Variants in IGF2BP2 observed in about 807,000 individuals in gnomAD.
The protein encoded by IGF2BP2 is insulin like growth factor 2 mRNA binding protein 2.
Under a neutral mutation model 75.8 loss-of-function variants are expected in IGF2BP2, and 17 were observed. The observed-to-expected ratio is 0.22, with a 90% CI of 0.15 to 0.34. IGF2BP2 has a LOEUF of 0.34. Among genes scored for constraint, IGF2BP2 ranks in the 10% least tolerant of loss-of-function variants. IGF2BP2 has a pLI of 1.00. For synonymous variants in IGF2BP2, 288 were observed against 295.6 expected, an observed-to-expected ratio of 0.97 and a Z score of 0.26; for missense variants, 516 against 772.4, an observed-to-expected ratio of 0.67 and a Z score of 3.93.
In IGF2BP2 at chr3:185,668,850, T is replaced by A. The variant is rs114107364; in HGVS notation, c.1200+3691A>T. On this transcript the variant is annotated intron_variant, in intron 10 of 15. Coordinates refer to ENST00000382199, the MANE Select transcript of IGF2BP2 (RefSeq NM_006548.6). ...GTAGGTTTTAACTTAATTACCGTTA[T>A]AACAATCCCCTAATGTAGGTACTAT... Among the ~76,000 whole-genome samples the A allele has an allele frequency of 2.9e-3, 444 of 152,236 alleles. 3 individuals carry two copies. The highest frequency in any genetic ancestry group is 0.01 in the African/African-American group (421 of 41,540).
At chr3:185,726,547 A>G (rs1356550507) in intron 2 of IGF2BP2, among the ~76,000 whole-genome samples, 1 of 152,194 alleles carries the variant, frequency 6.6e-6, no homozygotes, top group Non-Finnish European at 1.5e-5. Flanking sequence ...AGATTCCTAT[A>G]AAGTGCTTTG....
intron 10 of IGF2BP2, among the ~76,000 whole-genome samples, chr3:185,661,472 A>G (rs1167519103): frequency 2.0e-5 from 3 of 151,936 alleles, no homozygotes; most frequent in Non-Finnish European, 2.9e-5. Context: ...CCCCATCGCT[A>G]GCAAAAATAC....
intron 2 of IGF2BP2, among the ~76,000 whole-genome samples, chr3:185,777,100 A>G (rs1734619971): frequency 2.0e-5 from 3 of 152,178 alleles, no homozygotes; most frequent in South Asian, 2.1e-4. Flanking sequence ...GAAAAGAGAG[A>G]TAGTTGCCTC....
At chr3:185,748,646 T>C (rs927347347) in intron 2 of IGF2BP2, among the ~76,000 whole-genome samples, 2 of 152,202 alleles carry the variant, frequency 1.3e-5, no homozygotes, top group Non-Finnish European at 2.9e-5. Flanking sequence ...CATCTCACCC[T>C]ACCCAAACAG....
intron 5 of IGF2BP2, among the ~76,000 whole-genome samples, chr3:185,691,575 A>G (rs1450502057): frequency 2.0e-5 from 3 of 152,176 alleles, no homozygotes; most frequent in Non-Finnish European, 4.4e-5. Flanking sequence ...TAATGACCTG[A>G]CAGGCACTTT....
At chr3:185,759,397 G>C (rs1196835053) in intron 2 of IGF2BP2, among the ~76,000 whole-genome samples, 1 of 152,194 alleles carries the variant, frequency 6.6e-6, no homozygotes. Context: ...AGGAAGTCAA[G>C]GAAAAATGCC....
rs117081993 is a variant in IGF2BP2, at chr3:185,674,567, C to T, written c.1071+729G>A. On this transcript the variant is annotated intron_variant, in intron 9 of 15. Transcript: ENST00000382199. The stretch of plus-strand genomic sequence containing the variant: ...GTCTGCTACAAATATACAGTAAAGG[C>T]TCAACTGGTTGACAACATTTATCAG... Among the ~76,000 whole-genome samples the T allele has an allele frequency of 1.3e-3, 194 of 152,230 alleles. 4 individuals are homozygous for T. The East Asian group carries it at 0.035, about 28-fold the overall frequency.
At chr3:185,703,289 C>T (rs1286943026) in intron 2 of IGF2BP2, among the ~76,000 whole-genome samples, 1 of 152,156 alleles carries the variant, frequency 6.6e-6, no homozygotes, top group Non-Finnish European at 1.5e-5. Flanking sequence ...ATTTATAATA[C>T]GTTATCTTTG....
intron 2 of IGF2BP2, among the ~76,000 whole-genome samples, chr3:185,789,883 G>A (rs1736413503): frequency 2.0e-5 from 3 of 151,944 alleles, no homozygotes; most frequent in Admixed American, 2.0e-4. Flanking sequence ...ACAGGCGTCC[G>A]CCACCACATC....
chr3:185,735,197 G>A (rs1029820877), intron 2 of IGF2BP2, among the ~76,000 whole-genome samples: 1 of 149,604 alleles, frequency 6.7e-6, no homozygotes, highest in African/African-American at 2.5e-5. Context: ...CCAGGCTGGA[G>A]TGCAGCGGCA....
chr3:185,729,590 A>G (rs1226959634), intron 2 of IGF2BP2: 1 of 152,236 alleles, frequency 6.6e-6, no homozygotes, highest in East Asian at 1.9e-4. Flanking sequence ...ATATTTTCCA[A>G]ATGACTAATG....
chr3:185,812,876 T>A (rs1338529180), intron 2 of IGF2BP2, among the ~76,000 whole-genome samples: 1 of 152,174 alleles, frequency 6.6e-6, no homozygotes, highest in Non-Finnish European at 1.5e-5. Flanking sequence ...AAAGATACAA[T>A]GTTGGCCTAG....
chr3:185,683,411 AT>A (rs879749471), intron 7 of IGF2BP2, among the ~76,000 whole-genome samples: 5,311 of 146,756 alleles, frequency 0.036, 215 homozygotes, highest in African/African-American at 0.1. Flanking sequence ...ATGATCAATA[AT>A]TTTTTTTTTT....
chr3:185,791,600 G>A (rs2149864701), intron 2 of IGF2BP2, among the ~76,000 whole-genome samples: 1 of 152,300 alleles, frequency 6.6e-6, no homozygotes, highest in South Asian at 2.1e-4. Flanking sequence ...CTTCCTCCAG[G>A]TGTGCATCAC....
chr3:185,814,529 A>AT (rs1416801808), intron 2 of IGF2BP2, among the ~76,000 whole-genome samples: 1 of 152,142 alleles, frequency 6.6e-6, no homozygotes, highest in Non-Finnish European at 1.5e-5. Context: ...TCACCACTCG[A>AT]TTTTTTGTTT....
intron 2 of IGF2BP2, among the ~76,000 whole-genome samples, chr3:185,723,163 T>C (rs142328492): frequency 6.6e-5 from 10 of 152,352 alleles, no homozygotes; most frequent in Non-Finnish European, 7.4e-5. Context: ...AACATGTTTA[T>C]GATTCCATCA....
Position 185,794,207 on chromosome 3 carries a change from C to T in IGF2BP2, c.239+28946G>A, listed in dbSNP as rs188727732. ...TCTCAAACTCCTGAGCTCAAGCAATCCTCCCAGCTTGGCCTCCCAAAGTGC... is the reference window on the plus strand; with the variant it reads ...TCTCAAACTCCTGAGCTCAAGCAATTCTCCCAGCTTGGCCTCCCAAAGTGC... On this transcript the variant is annotated intron_variant, in intron 2 of 15. Coordinates refer to ENST00000382199, the MANE Select transcript of IGF2BP2 (RefSeq NM_006548.6). Among the ~76,000 whole-genome samples, 194 of 152,114 alleles carry T rather than the reference C, an allele frequency of 1.3e-3. 1 individual carries two copies. The highest frequency in any genetic ancestry group is 4.6e-3 in the African/African-American group (189 of 41,494).
At chr3:185,762,345 T>C (rs1347810836) in intron 2 of IGF2BP2, among the ~76,000 whole-genome samples, 1 of 134,752 alleles carries the variant, frequency 7.4e-6, no homozygotes, top group Non-Finnish European at 1.6e-5. Flanking sequence ...CTGGCCAACA[T>C]GGTGAAACCC....
At chr3:185,646,095 G>A (rs1713479805) in intron 15 of IGF2BP2, among the ~76,000 whole-genome samples, 1 of 152,198 alleles carries the variant, frequency 6.6e-6, no homozygotes, top group South Asian at 2.1e-4. Flanking sequence ...CCCTCACCCA[G>A]CCTAGCACTG....
Sources: gnomAD v4.1 joint callset for allele counts (sites outside exome capture counted in the v4.1 genomes callset) on GRCh38, gnomAD v4.1.1 for gene constraint, MANE v1.5 for transcripts, NCBI Gene and HGNC (gene_info 2026-07-23, HGNC 2026-07-21) for gene names.